Variants in DGCR2 observed in about 807,000 individuals in gnomAD.
The protein encoded by DGCR2 is DiGeorge syndrome critical region gene 2, also known as integral membrane protein DGCR2/IDD.
Under a neutral mutation model 51.6 loss-of-function variants are expected in DGCR2, and 24 were observed. The ratio of observed to expected loss-of-function variants is 0.47; its 90% confidence interval spans 0.34 to 0.65. The LOEUF (loss-of-function observed/expected upper bound fraction) is 0.65, where lower values mean the gene tolerates loss of function less well. Ranked by LOEUF, DGCR2 falls within the 30% of genes least tolerant of loss-of-function variation. The probability of loss-of-function intolerance (pLI) is 0.01; values close to 1 mark genes in which losing one functional copy is unlikely to be tolerated. For missense variants in DGCR2, 765 were observed against 772.1 expected (o/e 0.99, Z 0.11); for synonymous variants, 340 against 315.4 (o/e 1.08, Z -0.82).
intron 2 of DGCR2, among the ~76,000 whole-genome samples, chr22:19,079,597 C>T (rs2082914229): frequency 6.6e-6 from 1 of 152,200 alleles, no homozygotes; most frequent in Non-Finnish European, 1.5e-5. Context: ...TGAGGGATTA[C>T]TGTGTGCTAC....
intron 4 of DGCR2, among the ~76,000 whole-genome samples, chr22:19,064,228 G>A (rs1014073804): frequency 6.6e-6 from 1 of 152,256 alleles, no homozygotes; most frequent in Non-Finnish European, 1.5e-5. Context: ...CTCAGAGATG[G>A]GGCTGCCCTG....
chr22:19,037,626 G>GA lies in DGCR2; in HGVS notation c.*1238dup, dbSNP rs2082384947. 6.6e-6 allele frequency: 1 copy of GA among 152,192 alleles called. No homozygotes were observed. Among genetic ancestry groups the GA allele is most frequent in the East Asian group, 1.9e-4 (1 of 5,192 alleles). The allele number at this position is 152,192 out of a possible 1,614,324, so 9.4% of individuals were successfully genotyped here. A position where few individuals can be genotyped will look rare whatever the true frequency, so the allele number is the denominator to read the frequency against. On this transcript the variant is annotated 3_prime_UTR_variant, in exon 10 of 10. Transcript: ENST00000263196. Reference sequence around the variant, plus strand: ...CACACAGAGACACAAACATACAAAGGAAAGATCCAGACATTCAACGTAGAA... The same window carrying GA: ...CACACAGAGACACAAACATACAAAGGAAAAGATCCAGACATTCAACGTAGAA...
At chr22:19,082,757 CA>C (rs1436886249) in intron 2 of DGCR2, among the ~76,000 whole-genome samples, 8 of 125,442 alleles carry the variant, frequency 6.4e-5, no homozygotes, top group African/African-American at 2.4e-4. Flanking sequence ...ACTCCATCTC[CA>C]AAAAAAAACA....
rs556622180 is a variant in DGCR2, at chr22:19,117,864, C to T, written c.79+4264G>A. ...AACTAAAAAAAATGAACCTGTTAAC[C>T]CAAAAGCCAAATCTACCAGTGGACA... On this transcript the variant is annotated intron_variant, in intron 1 of 9. Coordinates refer to ENST00000263196, the MANE Select transcript of DGCR2 (RefSeq NM_005137.3). Among the ~76,000 whole-genome samples, 5 of 152,146 alleles carry T rather than the reference C, an allele frequency of 3.3e-5. 1 individual carries two copies. The East Asian group carries it at 9.6e-4, about 29-fold the overall frequency.
intron 1 of DGCR2, among the ~76,000 whole-genome samples, chr22:19,104,028 A>G (rs2083235309): frequency 6.9e-6 from 1 of 144,306 alleles, no homozygotes; most frequent in South Asian, 2.1e-4. Context: ...TTCTTTCAAA[A>G]GAGAGAGAGA....
rs915244376 is a variant in DGCR2, at chr22:19,057,313, G to A, written c.626-151C>T. On this transcript the variant is annotated intron_variant, in intron 5 of 9. Coordinates refer to ENST00000263196, the MANE Select transcript of DGCR2 (RefSeq NM_005137.3). The surrounding 1 kb of genome is among the most constrained non-coding windows in gnomAD (Gnocchi z 5.1). ...GGTCACTGTGGCCAGGTGTTCACTCGGGACTCCCCAACCTCCTGGGAGTCA... is the reference window on the plus strand; with the variant it reads ...GGTCACTGTGGCCAGGTGTTCACTCAGGACTCCCCAACCTCCTGGGAGTCA... The A allele has an allele frequency of 6.7e-5, 61 of 909,236 alleles. 1 individual carries two copies. The South Asian group carries it at 1.0e-3, about 15-fold the overall frequency. The allele number at this position is 909,236 out of a possible 1,614,324, so 56.3% of individuals were successfully genotyped here. A position where few individuals can be genotyped will look rare whatever the true frequency, so the allele number is the denominator to read the frequency against.
chr22:19,058,723 A>G (rs1459017838), intron 5 of DGCR2, among the ~76,000 whole-genome samples: 1 of 152,236 alleles, frequency 6.6e-6, no homozygotes, highest in Non-Finnish European at 1.5e-5. Context: ...ACTGAGACCA[A>G]GGACACAAAT....
In DGCR2 at chr22:19,040,826, G is replaced by T. The variant is rs181505965; in HGVS notation, c.1396+232C>A. Among the ~76,000 whole-genome samples, 13 of 152,262 alleles carry T rather than the reference G, an allele frequency of 8.5e-5. No individual in the cohort carries two copies. The East Asian group carries it at 2.5e-3, about 29-fold the overall frequency. ...AGAAGGCAGGGAGGTAGGAGGGAGG[G>T]GTCCCAGGCCTTCTCAGAGCTCTCT... On this transcript the variant is annotated intron_variant, in intron 9 of 9. Transcript: ENST00000263196.
chr22:19,095,211 A>C (rs374478763), intron 1 of DGCR2, among the ~76,000 whole-genome samples: 1 of 152,070 alleles, frequency 6.6e-6, no homozygotes, highest in Non-Finnish European at 1.5e-5. Flanking sequence ...AAAAATACAA[A>C]ATTAGCCAGG....
chr22:19,062,891 G>C (rs1027221943), intron 5 of DGCR2, among the ~76,000 whole-genome samples: 2 of 151,684 alleles, frequency 1.3e-5, no homozygotes, highest in African/African-American at 4.8e-5. Context: ...AGCCTGCCAG[G>C]GGCACACTCT....
chr22:19,038,033 C>G lies in DGCR2; in HGVS notation c.*832G>C, dbSNP rs1339083157. 2 of 152,750 alleles carry G rather than the reference C, an allele frequency of 1.3e-5. No homozygotes were observed. Among genetic ancestry groups the G allele is most frequent in the Non-Finnish European group, 2.9e-5 (2 of 68,240 alleles). 9.5% of individuals were successfully genotyped at this position (152,750 alleles called of 1,614,324 possible). ...AGCCCAGGGCTCCAGAGTGGAGAGA[C>G]AGGAGGCAGCTCAGTCCCCAGACCC... On this transcript the variant is annotated 3_prime_UTR_variant, in exon 10 of 10. Transcript: ENST00000263196.
Position 19,057,566 on chromosome 22 carries a change from G to A in DGCR2, c.626-404C>T, listed in dbSNP as rs1429082111. On this transcript the variant is annotated intron_variant, in intron 5 of 9. Coordinates refer to ENST00000263196, the MANE Select transcript of DGCR2 (RefSeq NM_005137.3). The surrounding 1 kb of genome is among the most constrained non-coding windows in gnomAD (Gnocchi z 5.1). ...ATGGGCAAGGGAAACAGGCAGGGAA[G>A]CTCTCCCTTAGGACAGCACACTCAG... Among the ~76,000 whole-genome samples, 3 of 152,324 alleles carry A rather than the reference G, an allele frequency of 2.0e-5. No individual in the cohort carries two copies. The East Asian group carries it at 5.8e-4, about 29-fold the overall frequency.
In DGCR2 at chr22:19,089,510, G is replaced by C. The variant is rs2083055132; in HGVS notation, c.80-20C>G. ...GCAGCTCTGTGGGACCAAAGGGTGA[G>C]AGGCCATTGAGGAAGTGGCAGTAGG... On this transcript the variant is annotated intron_variant, in intron 1 of 9. Coordinates refer to ENST00000263196, the MANE Select transcript of DGCR2 (RefSeq NM_005137.3). The C allele has an allele frequency of 6.6e-7, 1 of 1,521,356 alleles. No individual in the cohort carries two copies. The highest frequency in any genetic ancestry group is 1.4e-5 in the African/African-American group (1 of 71,982). The allele number at this position is 1,521,356 out of a possible 1,614,324, so 94.2% of individuals were successfully genotyped here. A position where few individuals can be genotyped will look rare whatever the true frequency, so the allele number is the denominator to read the frequency against.
chr22:19,064,298 T>C lies in DGCR2; in HGVS notation c.548+550A>G, dbSNP rs531410820. 2.6e-5 allele frequency among the ~76,000 whole-genome samples: 4 copies of C among 152,352 alleles called. No homozygotes were observed. In the East Asian group the frequency reaches 7.7e-4, roughly 29 times the overall value. On this transcript the variant is annotated intron_variant, in intron 4 of 9. Transcript: ENST00000263196. ...ACTCACAGGCCTGTCCTCATGGGGT[T>C]AGTACAACAACCTGTGAGCTAAGAG...
intron 2 of DGCR2, among the ~76,000 whole-genome samples, chr22:19,083,127 A>T (rs1211559331): frequency 2.6e-5 from 4 of 152,016 alleles, no homozygotes; most frequent in African/African-American, 7.2e-5. Flanking sequence ...ACACTTCCCT[A>T]TCAAGGTCTT....
intron 1 of DGCR2, among the ~76,000 whole-genome samples, chr22:19,120,423 C>T (rs1034615357): frequency 6.6e-6 from 1 of 152,180 alleles, no homozygotes; most frequent in Non-Finnish European, 1.5e-5. Context: ...TACACCTGGC[C>T]TCTGTTCCAC....
Position 19,062,461 on chromosome 22 carries a change from T to TA in DGCR2, c.625+740dup, listed in dbSNP as rs1296876366. 3.3e-5 allele frequency among the ~76,000 whole-genome samples: 5 copies of TA among 152,302 alleles called. No individual in the cohort carries two copies. The East Asian group carries it at 9.7e-4, about 29-fold the overall frequency. ...CTCATTTATCCTTCTTAGAGATACTTAAGACATCAACAGCAGGACTGGGAT... is the reference window on the plus strand; with the variant it reads ...CTCATTTATCCTTCTTAGAGATACTTAAAGACATCAACAGCAGGACTGGGAT... On this transcript the variant is annotated intron_variant, in intron 5 of 9. Coordinates refer to ENST00000263196, the MANE Select transcript of DGCR2 (RefSeq NM_005137.3).
rs752573341 is a variant in DGCR2, at chr22:19,041,277, C to T, written c.1177G>A (p.Gly393Ser). The change falls in exon 9 of 10, where the codon GGC becomes AGC. Residue 393 changes from glycine to serine, a missense_variant. By Grantham distance (56) the Gly-to-Ser change is moderately conservative. This residue lies in a region of DGCR2 where 190 missense variants were observed against 265.2 expected (regional missense o/e 0.72). Transcript: ENST00000263196. ...TAATCAAAGCCAGGGATCCTGCGGC[C>T]GAGGTTGAAGTGGTGCACTGGGCCA... ...IGANLHHFNL[G>S]RRIPGFDYGP... 1.9e-6 allele frequency: 3 copies of T among 1,614,058 alleles called. No homozygotes were observed. Among genetic ancestry groups the T allele is most frequent in the African/African-American group, 1.3e-5 (1 of 75,054 alleles).
chr22:19,038,974 C>G lies in DGCR2; in HGVS notation c.1544G>C (p.Ser515Thr). The change falls in exon 10 of 10, where the codon AGC becomes ACC. Residue 515 changes from serine (S) to threonine (T), a missense_variant. Ser to Thr is a moderately conservative substitution (Grantham distance 58). Transcript: ENST00000263196. ...ADLEDSADSSSALLVPPDPAQ... is the reference protein window; with the variant it reads ...ADLEDSADSSTALLVPPDPAQ... Reference sequence around the variant, plus strand: ...AGGGTCAGGGGGCACGAGCAGGGCGCTGCTGCTGTCGGCAGAGTCTTCCAG... The same window carrying G: ...AGGGTCAGGGGGCACGAGCAGGGCGGTGCTGCTGTCGGCAGAGTCTTCCAG... 6.2e-7 allele frequency: 1 copy of G among 1,611,832 alleles called. No individual in the cohort carries two copies. The highest frequency in any genetic ancestry group is 8.5e-7 in the Non-Finnish European group (1 of 1,179,344).
Sources: allele counts gnomAD v4.1 joint callset (sites outside exome capture counted in the v4.1 genomes callset), GRCh38; gene constraint gnomAD v4.1.1; regional missense constraint gnomAD v4.1.1; non-coding constraint Gnocchi (gnomAD v3.1); transcripts MANE v1.5; gene names NCBI Gene and HGNC (gene_info 2026-07-23, HGNC 2026-07-21).